The following EBF4 variants were observed in gnomAD, a reference collection of about 807,000 sequenced individuals.
EBF4 encodes transcription factor COE4.
In EBF4, 34 loss-of-function variants were observed where a neutral mutation model predicts 67.1. That is an observed-to-expected ratio of 0.51 (90% CI 0.39 to 0.67). EBF4 has a LOEUF of 0.67. EBF4 is among the 30% of genes least tolerant of loss of function. The pLI is 0.00. For synonymous variants in EBF4, 387 were observed against 377.7 expected, an observed-to-expected ratio of 1.02 and a Z score of -0.29; for missense variants, 837 against 873.3, an observed-to-expected ratio of 0.96 and a Z score of 0.52.
intron 6 of EBF4, among the ~76,000 whole-genome samples, chr20:2,721,579 C>G (rs1318087544): frequency 1.3e-5 from 2 of 152,014 alleles, no homozygotes; most frequent in Non-Finnish European, 1.5e-5. Context: ...CTCAGCCTCC[C>G]GAGTAACTGG....
At chr20:2,752,089 C>T in exon 13 of EBF4, 1 of 1,456,292 alleles carries the variant, frequency 6.9e-7, no homozygotes, top group Admixed American at 2.9e-5. Context: ...TTCGCAGGAG[C>T]TGCTCCTGAA....
intron 7 of EBF4, 54 bp downstream of exon 7, chr20:2,748,684 G>A: frequency 2.0e-6 from 3 of 1,523,938 alleles, no homozygotes; most frequent in Non-Finnish European, 2.7e-6. Context: ...CTGATGGAGG[G>A]GAGGGGAGGG....
chr20:2,744,277 C>T (rs955463448), intron 6 of EBF4, among the ~76,000 whole-genome samples: 2 of 151,552 alleles, frequency 1.3e-5, no homozygotes, highest in African/African-American at 4.8e-5. Flanking sequence ...AAATTTTTAG[C>T]TCCCACTGAC....
chr20:2,728,360 A>G (rs2087770922), intron 6 of EBF4, among the ~76,000 whole-genome samples: 1 of 152,202 alleles, frequency 6.6e-6, no homozygotes, highest in African/African-American at 2.4e-5. Flanking sequence ...GTCTGATTCT[A>G]AAGCATCTCG....
At chr20:2,705,892 A>G in intron 2 of EBF4, 82 bp from the exon 3 acceptor site, 1 of 1,506,174 alleles carries the variant, frequency 6.6e-7, no homozygotes, top group Admixed American at 2.1e-5. Context: ...GTGGGAAAGA[A>G]GTTGGGGTTA....
chr20:2,731,258 A>C (rs1684969682), intron 6 of EBF4, among the ~76,000 whole-genome samples: 1 of 152,104 alleles, frequency 6.6e-6, no homozygotes, highest in Admixed American at 6.5e-5. Context: ...GAATCCCCAA[A>C]TGTGGTGGCT....
chr20:2,751,974 C>T lies in EBF4; in HGVS notation c.1160C>T (p.Pro387Leu), dbSNP rs1204498208. Residue 387 changes from proline (P) to leucine (L), a missense_variant, in exon 12 of 17, where the codon CCC (proline) becomes CTC (leucine). Physicochemically the swap from Pro to Leu is moderately conservative, Grantham distance 98. Transcript: ENST00000609451. This position sits in a 1 kb window ranked among gnomAD's most constrained non-coding sequence, Gnocchi z 5.2. ...TTGGCAGAAGCCCTGTACGGAGTGC[C>T]CGGCAGTAACCAGGTATGGCGCCTC... The T allele has an allele frequency of 2.6e-6, 4 of 1,548,294 alleles. No individual in the cohort carries two copies. The highest frequency in any genetic ancestry group is 3.5e-6 in the Non-Finnish European group (4 of 1,146,590).
chr20:2,697,297 G>A (rs1437825281), intron 1 of EBF4, among the ~76,000 whole-genome samples: 1 of 152,146 alleles, frequency 6.6e-6, no homozygotes, highest in East Asian at 1.9e-4. Context: ...TGTAATCCCA[G>A]CACTTTGGGA....
chr20:2,709,365 C>T (rs1368318589), intron 5 of EBF4, among the ~76,000 whole-genome samples: 1 of 152,066 alleles, frequency 6.6e-6, no homozygotes, highest in Non-Finnish European at 1.5e-5. Flanking sequence ...CCAGCCTCAT[C>T]CCCAGGCTAG....
rs868577154 is a variant in EBF4 at position 2,714,571 on chromosome 20, C to T, written c.557+4929C>T. On this transcript the variant is annotated intron_variant, in intron 6 of 16. Transcript: ENST00000609451. The stretch of plus-strand genomic sequence containing the variant: ...TTTGCCATGTTGCCCAGGCTGGTCT[C>T]GAGCTCCTGGGCTCCAGGAATTCTT... Among the ~76,000 whole-genome samples the T allele has an allele frequency of 2.6e-5, 4 of 152,136 alleles. No individual in the cohort carries two copies. The South Asian group carries it at 8.3e-4, about 31-fold the overall frequency.
intron 6 of EBF4, among the ~76,000 whole-genome samples, chr20:2,738,979 G>C (rs578186827): frequency 6.6e-6 from 1 of 152,158 alleles, no homozygotes; most frequent in Admixed American, 6.5e-5. Context: ...ACCTCTACCC[G>C]GGTGGGGATC....
intron 6 of EBF4, among the ~76,000 whole-genome samples, chr20:2,723,223 T>C (rs2087704619): frequency 6.6e-6 from 1 of 152,248 alleles, no homozygotes; most frequent in African/African-American, 2.4e-5. Context: ...CTGTTTTATC[T>C]GATATTATTT....
chr20:2,752,364 G>A (rs2088167145), exon 14 of EBF4: 1 of 1,222,114 alleles, frequency 8.2e-7, no homozygotes, highest in Non-Finnish European at 1.0e-6. Context: ...CAGGCTACGC[G>A]CGCAGCTGCA....
chr20:2,704,487 A>G (rs1568567331), intron 1 of EBF4, among the ~76,000 whole-genome samples: 1 of 151,974 alleles, frequency 6.6e-6, no homozygotes, highest in Non-Finnish European at 1.5e-5. Context: ...TCCTCCTTTC[A>G]CTTCGCTTTT....
intron 7 of EBF4, 48 bp from the exon 8 acceptor site, chr20:2,749,353 G>C: frequency 1.4e-6 from 2 of 1,432,428 alleles, no homozygotes; most frequent in Non-Finnish European, 1.9e-6. Flanking sequence ...TTCCCCTCCC[G>C]GGAGCCCCCG....
At chr20:2,736,791 T>G (rs965071966) in intron 6 of EBF4, among the ~76,000 whole-genome samples, 1 of 151,866 alleles carries the variant, frequency 6.6e-6, no homozygotes, top group Non-Finnish European at 1.5e-5. Context: ...GCTCATGTGC[T>G]CCGAAGGTCA....
At chr20:2,713,634 T>C (rs2087571688) in intron 6 of EBF4, among the ~76,000 whole-genome samples, 1 of 152,100 alleles carries the variant, frequency 6.6e-6, no homozygotes, top group East Asian at 1.9e-4. Flanking sequence ...AGTTAGAGGT[T>C]TGTCAGTTGA....
intron 1 of EBF4, among the ~76,000 whole-genome samples, chr20:2,694,033 G>A (rs1032468432): frequency 6.6e-6 from 1 of 152,212 alleles, no homozygotes; most frequent in African/African-American, 2.4e-5. Context: ...CGGGTGCGGC[G>A]GTGAACGCCA....
At chr20:2,752,386 C>A in exon 14 of EBF4, 2 of 1,252,696 alleles carry the variant, frequency 1.6e-6, no homozygotes, top group South Asian at 3.0e-5. Context: ...CAGCGCGTCC[C>A]CCCGCGGGTT....
Sources: allele counts gnomAD v4.1 joint callset (sites outside exome capture counted in the v4.1 genomes callset), GRCh38; gene constraint gnomAD v4.1.1; non-coding constraint Gnocchi (gnomAD v3.1); transcripts MANE v1.5; gene names NCBI Gene and HGNC (gene_info 2026-07-23, HGNC 2026-07-21).